The following PAK5 variants were observed in gnomAD, a reference collection of about 807,000 sequenced individuals.
The protein encoded by PAK5 is serine/threonine-protein kinase PAK 5.
A neutral mutation model predicts 65.9 loss-of-function variants in PAK5; 16 were observed. That is an observed-to-expected ratio of 0.24 (90% CI 0.16 to 0.37). The LOEUF (loss-of-function observed/expected upper bound fraction) is 0.37. PAK5 is among the 10% of genes least tolerant of loss of function. The pLI, the probability that PAK5 is intolerant of heterozygous loss-of-function variation, is 1.00. For missense variants in PAK5, 785 were observed against 903.9 expected, an observed-to-expected ratio of 0.87 and a Z score of 1.69; for synonymous variants, 371 against 354.9, an observed-to-expected ratio of 1.05 and a Z score of -0.51.
intron 2 of PAK5, among the ~76,000 whole-genome samples, chr20:9,657,454 A>G (rs1426723160): frequency 6.6e-6 from 1 of 152,206 alleles, no homozygotes; most frequent in African/African-American, 2.4e-5. Flanking sequence ...GCTGGTATGA[A>G]TAATACTGTA....
intron 2 of PAK5, among the ~76,000 whole-genome samples, chr20:9,652,585 C>T (rs1600199978): frequency 6.6e-6 from 1 of 152,176 alleles, no homozygotes; most frequent in Non-Finnish European, 1.5e-5. Flanking sequence ...TGTATCAAAG[C>T]CTGTTGGGTG....
chr20:9,707,527 A>G (rs1717282016), intron 2 of PAK5, among the ~76,000 whole-genome samples: 1 of 152,018 alleles, frequency 6.6e-6, no homozygotes, highest in Admixed American at 6.6e-5. Flanking sequence ...TTTTTCCTTT[A>G]TCAATGTCTT....
chr20:9,699,686 C>A (rs1287902537), intron 2 of PAK5, among the ~76,000 whole-genome samples: 2 of 151,630 alleles, frequency 1.3e-5, no homozygotes, highest in Admixed American at 1.3e-4. Flanking sequence ...AAAAAAAACT[C>A]TACATCTCTG....
chr20:9,757,225 T>C (rs553707650), intron 1 of PAK5, among the ~76,000 whole-genome samples: 8 of 74,716 alleles, frequency 1.1e-4, no homozygotes, highest in African/African-American at 4.1e-4. Context: ...ATTAAGACAA[T>C]ATGAAAAAAA....
At chr20:9,571,862 A>G (rs2045787590) in intron 4 of PAK5, among the ~76,000 whole-genome samples, 1 of 89,446 alleles carries the variant, frequency 1.1e-5, no homozygotes, top group African/African-American at 4.9e-5. Context: ...TCACAGAGAT[A>G]GGCATGAATG....
chr20:9,829,378 C>T (rs916336771), intron 1 of PAK5, among the ~76,000 whole-genome samples: 4 of 152,108 alleles, frequency 2.6e-5, no homozygotes, highest in Non-Finnish European at 5.9e-5. Flanking sequence ...TTGTTGTATA[C>T]CACAATGGCC....
At chr20:9,721,174 A>G (rs895277358) in intron 1 of PAK5, among the ~76,000 whole-genome samples, 3 of 152,144 alleles carry the variant, frequency 2.0e-5, no homozygotes, top group African/African-American at 7.2e-5. Context: ...GGAGACTGCC[A>G]AAGACGTCTC....
intron 1 of PAK5, among the ~76,000 whole-genome samples, chr20:9,781,053 A>G (rs997035252): frequency 1.6e-4 from 24 of 152,304 alleles, no homozygotes; most frequent in African/African-American, 2.2e-4. Flanking sequence ...TGGATAATAT[A>G]TGGTTTCTTT....
At chr20:9,694,371 C>T (rs895533364) in intron 2 of PAK5, among the ~76,000 whole-genome samples, 1 of 150,564 alleles carries the variant, frequency 6.6e-6, no homozygotes, top group Non-Finnish European at 1.5e-5. Context: ...GTTACTTTTT[C>T]TGGGAGGGTC....
chr20:9,698,738 T>C (rs1264769557), intron 2 of PAK5, among the ~76,000 whole-genome samples: 1 of 152,188 alleles, frequency 6.6e-6, no homozygotes, highest in Non-Finnish European at 1.5e-5. Context: ...CACTGCTGTC[T>C]ATAAGTGATG....
intron 1 of PAK5, among the ~76,000 whole-genome samples, chr20:9,802,013 A>G (rs573076639): frequency 6.6e-6 from 1 of 152,278 alleles, no homozygotes; most frequent in African/African-American, 2.4e-5. Flanking sequence ...GCTTGATCAC[A>G]AAGAACCATC....
Position 9,678,243 on chromosome 20 carries a change from C to G in PAK5, c.-12+33043G>C, listed in dbSNP as rs559441349. 4.6e-5 allele frequency among the ~76,000 whole-genome samples: 7 copies of G among 152,312 alleles called. No individual in the cohort carries two copies. The South Asian group carries it at 1.4e-3, about 32-fold the overall frequency. ...ATTAGAGAGAACAAGCTTGAAGAAG[C>G]TGTAATTGTCCATTCTCATACTGCT... is the stretch of plus-strand genomic sequence containing the variant. On this transcript the variant is annotated intron_variant, in intron 2 of 9. Coordinates refer to ENST00000353224, the MANE Select transcript of PAK5 (RefSeq NM_177990.4).
chr20:9,778,492 C>T (rs960702954), intron 1 of PAK5, among the ~76,000 whole-genome samples: 2 of 152,184 alleles, frequency 1.3e-5, no homozygotes, highest in African/African-American at 4.8e-5. Flanking sequence ...CCTACATTGG[C>T]CTCCCAAAGG....
chr20:9,558,660 C>T (rs1248775970), intron 6 of PAK5, among the ~76,000 whole-genome samples: 1 of 152,198 alleles, frequency 6.6e-6, no homozygotes, highest in South Asian at 2.1e-4. Context: ...CACCCTACTT[C>T]CCATTCACCC....
chr20:9,710,154 T>C (rs2123484800), intron 2 of PAK5, among the ~76,000 whole-genome samples: 1 of 152,262 alleles, frequency 6.6e-6, no homozygotes, highest in East Asian at 1.9e-4. Flanking sequence ...AAGGACACCC[T>C]TCCCACAGGC....
chr20:9,761,840 T>A (rs1020722466), intron 1 of PAK5, among the ~76,000 whole-genome samples: 3 of 152,168 alleles, frequency 2.0e-5, no homozygotes, highest in Non-Finnish European at 4.4e-5. Flanking sequence ...TTGGAAGTCA[T>A]ACTCCACCTC....
intron 3 of PAK5, among the ~76,000 whole-genome samples, chr20:9,633,697 TG>T (rs1461779760): frequency 3.3e-5 from 5 of 152,130 alleles, no homozygotes; most frequent in Non-Finnish European, 5.9e-5. Flanking sequence ...AACACTCAAG[TG>T]GAGGTACTCA....
chr20:9,782,070 TTC>T (rs1052160840), intron 1 of PAK5, among the ~76,000 whole-genome samples: 7 of 152,066 alleles, frequency 4.6e-5, no homozygotes, highest in Admixed American at 6.6e-5. Context: ...CCACCTCCCT[TTC>T]TCTCTCTGAC....
chr20:9,613,634 C>A (rs1398306652), intron 3 of PAK5, among the ~76,000 whole-genome samples: 4 of 152,172 alleles, frequency 2.6e-5, no homozygotes, highest in Non-Finnish European at 5.9e-5. Flanking sequence ...ACAAGGCCTT[C>A]CCTCAATAGA....
Sources: allele counts gnomAD v4.1 joint callset (sites outside exome capture counted in the v4.1 genomes callset), GRCh38; gene constraint gnomAD v4.1.1; transcripts MANE v1.5; gene names NCBI Gene and HGNC (gene_info 2026-07-23, HGNC 2026-07-21).